Variants in CLVS1 observed in about 807,000 individuals in gnomAD.
CLVS1 encodes clavesin 1, also known as clavesin-1.
Under a neutral mutation model 33.1 loss-of-function variants are expected in CLVS1, and 10 were observed. The ratio of observed to expected loss-of-function variants is 0.30; its 90% confidence interval spans 0.19 to 0.51. The LOEUF is 0.51. CLVS1 is among the 20% of genes least tolerant of loss of function. CLVS1 has a pLI of 0.97. For synonymous variants in CLVS1, 163 were observed against 166.1 expected (o/e 0.98, Z 0.14); for missense variants, 343 against 433.4 (o/e 0.79, Z 1.85).
At chr8:61,289,658 C>A (rs966011307) in intron 1 of CLVS1, among the ~76,000 whole-genome samples, 1 of 152,118 alleles carries the variant, frequency 6.6e-6, no homozygotes, top group Non-Finnish European at 1.5e-5. Context: ...TTAAAATTGT[C>A]GTTGTGTATT....
intron 2 of CLVS1, among the ~76,000 whole-genome samples, chr8:61,278,334 A>G (rs913730892): frequency 6.6e-6 from 1 of 152,238 alleles, no homozygotes; most frequent in African/African-American, 2.4e-5. Context: ...ATGCCATTGA[A>G]CATCTCTTTA....
At chr8:61,410,271 G>A (rs1284156610) in intron 3 of CLVS1, among the ~76,000 whole-genome samples, 2 of 151,944 alleles carry the variant, frequency 1.3e-5, no homozygotes, top group Non-Finnish European at 1.5e-5. Context: ...CTAGGAGACT[G>A]CCTAGTCGTT....
intron 1 of CLVS1, 141 bp downstream of exon 1, chr8:61,288,279 T>A (rs1160658882): frequency 4.4e-6 from 2 of 456,182 alleles, no homozygotes; most frequent in East Asian, 6.9e-5. Context: ...ACTCCATCCC[T>A]CCCGCACCGC....
chr8:61,304,739 C>T (rs1810559496), intron 2 of CLVS1, among the ~76,000 whole-genome samples: 1 of 152,162 alleles, frequency 6.6e-6, no homozygotes, highest in Non-Finnish European at 1.5e-5. Context: ...GCCATGAATG[C>T]CCCAGTGCTG....
chr8:60,970,250 C>T, the CLVS1 span, among the ~76,000 whole-genome samples: 2 of 152,328 alleles, frequency 1.3e-5, no homozygotes, highest in African/African-American at 4.8e-5. Context: ...TTCACATCCG[C>T]CATTCTGTCT....
intron 2 of CLVS1, among the ~76,000 whole-genome samples, chr8:61,305,153 A>G (rs969182700): frequency 6.6e-6 from 1 of 152,142 alleles, no homozygotes; most frequent in African/African-American, 2.4e-5. Flanking sequence ...TTAAGAAAAA[A>G]AATCAAATCA....
intron 2 of CLVS1, among the ~76,000 whole-genome samples, chr8:61,325,936 C>T (rs1811367593): frequency 6.6e-6 from 1 of 152,162 alleles, no homozygotes; most frequent in South Asian, 2.1e-4. Context: ...ATGCTTTCCA[C>T]TTTCTGCCGA....
chr8:60,979,348 T>C, the CLVS1 span, among the ~76,000 whole-genome samples: 2 of 152,214 alleles, frequency 1.3e-5, no homozygotes, highest in Non-Finnish European at 2.9e-5. Flanking sequence ...TTTCTACTCA[T>C]TTCCAGCACA....
intron 1 of CLVS1, among the ~76,000 whole-genome samples, chr8:61,086,435 C>T (rs1030024296): frequency 1.3e-5 from 2 of 152,148 alleles, no homozygotes; most frequent in African/African-American, 4.8e-5. Context: ...TCTGCACAAA[C>T]ATTTTCCAAA....
chr8:61,202,874 A>G, intron 2 of CLVS1: 1 of 882,608 alleles, frequency 1.1e-6, no homozygotes, highest in South Asian at 1.3e-5. Flanking sequence ...GATGATGAAG[A>G]TGATGATGAT....
intron 2 of CLVS1, among the ~76,000 whole-genome samples, chr8:61,347,505 G>T (rs1812261072): frequency 6.6e-6 from 1 of 151,114 alleles, no homozygotes; most frequent in Non-Finnish European, 1.5e-5. Context: ...GTTGGTCAAA[G>T]GATATAGAAT....
At chr8:61,089,831 A>G (rs932352412) in intron 1 of CLVS1, among the ~76,000 whole-genome samples, 3 of 152,136 alleles carry the variant, frequency 2.0e-5, no homozygotes, top group Non-Finnish European at 4.4e-5. Context: ...CTGAGGCAGG[A>G]GGGTTGCTCG....
chr8:61,480,086 G>A (rs181887909), intron 5 of CLVS1, among the ~76,000 whole-genome samples: 1 of 152,368 alleles, frequency 6.6e-6, no homozygotes, highest in South Asian at 2.1e-4. Context: ...TGTGTGCTGG[G>A]AGAACCACTA....
intron 2 of CLVS1, among the ~76,000 whole-genome samples, chr8:61,316,598 A>T (rs1445572452): frequency 6.6e-6 from 1 of 152,254 alleles, no homozygotes; most frequent in Non-Finnish European, 1.5e-5. Flanking sequence ...ATAGAAGAAA[A>T]TAATGAAAAT....
At chr8:61,465,294 G>C (rs564262006) in intron 5 of CLVS1, 2 of 152,164 alleles carry the variant, frequency 1.3e-5, no homozygotes, top group South Asian at 4.2e-4. Context: ...ACCGACCTTG[G>C]GACCCAATCA....
At chr8:61,110,671 C>T (rs1193121956) in intron 1 of CLVS1, among the ~76,000 whole-genome samples, 1 of 152,042 alleles carries the variant, frequency 6.6e-6, no homozygotes, top group Non-Finnish European at 1.5e-5. Context: ...AACTGACACT[C>T]TGTACCCACT....
intron 5 of CLVS1, among the ~76,000 whole-genome samples, chr8:61,472,753 T>G (rs1180168181): frequency 6.6e-6 from 1 of 152,062 alleles, no homozygotes; most frequent in African/African-American, 2.4e-5. Flanking sequence ...AGTAATCAGA[T>G]TTTATGCGTT....
intron 2 of CLVS1, among the ~76,000 whole-genome samples, chr8:61,353,804 C>T (rs1442647701): frequency 6.7e-6 from 1 of 150,318 alleles, no homozygotes; most frequent in Non-Finnish European, 1.5e-5. Flanking sequence ...AAAGTTGGCC[C>T]TTTAAAAAAA....
At chr8:61,249,916 T>C (rs1328520603) in intron 2 of CLVS1, among the ~76,000 whole-genome samples, 4 of 152,242 alleles carry the variant, frequency 2.6e-5, no homozygotes, top group African/African-American at 9.6e-5. Flanking sequence ...GCTCTTTAGT[T>C]TAATTCGATC....
Sources: gnomAD v4.1 joint callset for allele counts (sites outside exome capture counted in the v4.1 genomes callset) on GRCh38, gnomAD v4.1.1 for gene constraint, MANE v1.5 for transcripts, NCBI Gene and HGNC (gene_info 2026-07-23, HGNC 2026-07-21) for gene names.